SH3RF1: variants seen among roughly 807,000 people sequenced by gnomAD.
SH3RF1 encodes SH3 domain containing ring finger 1.
SH3RF1 carries 32 observed loss-of-function variants against 74.0 expected under a neutral mutation model. The ratio of observed to expected loss-of-function variants is 0.43; its 90% CI spans 0.33 to 0.58. SH3RF1 has a LOEUF of 0.58. SH3RF1 is among the 20% of genes least tolerant of loss of function. The pLI, the probability that SH3RF1 is intolerant of heterozygous loss-of-function variation, is 0.05. For missense variants in SH3RF1, 954 were observed against 1,130.9 expected (o/e 0.84, Z 2.24); for synonymous variants, 396 against 439.6 (o/e 0.90, Z 1.24).
At chr4:169,239,210 T>A (rs1219583319) in intron 2 of SH3RF1, among the ~76,000 whole-genome samples, 1 of 152,214 alleles carries the variant, frequency 6.6e-6, no homozygotes, top group East Asian at 1.9e-4. Flanking sequence ...GCCAAGATTG[T>A]GCCGACAAGA....
At chr4:169,125,683 T>C (rs769412643) in intron 6 of SH3RF1, among the ~76,000 whole-genome samples, 7 of 152,220 alleles carry the variant, frequency 4.6e-5, no homozygotes, top group Non-Finnish European at 1.0e-4. Flanking sequence ...TCTGGGTCCC[T>C]TGGGCAAATA....
intron 2 of SH3RF1, among the ~76,000 whole-genome samples, chr4:169,236,488 T>A (rs1730825837): frequency 6.6e-6 from 1 of 152,234 alleles, no homozygotes; most frequent in Non-Finnish European, 1.5e-5. Flanking sequence ...ATTCCATAAT[T>A]TAGACTAAGT....
At chr4:169,230,741 C>T in intron 2 of SH3RF1, among the ~76,000 whole-genome samples, 1 of 151,752 alleles carries the variant, frequency 6.6e-6, no homozygotes, top group East Asian at 1.9e-4. Flanking sequence ...CACCTGTAGT[C>T]CCAGCTACTC....
chr4:169,201,643 CCAGT>C (rs768179906), intron 2 of SH3RF1, among the ~76,000 whole-genome samples: 3 of 152,244 alleles, frequency 2.0e-5, no homozygotes, highest in East Asian at 3.9e-4. Context: ...AGCTTATTTC[CCAGT>C]CAAAGTTATA....
At position 169,172,934 on chromosome 4, in the gene SH3RF1, C is replaced by G. The variant is rs1003836791; in HGVS notation, c.394-16255G>C. Among the ~76,000 whole-genome samples the G allele has an allele frequency of 2.6e-5, 4 of 152,270 alleles. No homozygotes were observed. The East Asian group carries it at 7.7e-4, about 29-fold the overall frequency. On this transcript the variant is annotated intron_variant, in intron 2 of 11. Transcript: ENST00000284637. ...ACACTCTTGCTCTCTATTTTAGAAT[C>G]TTCTTTGAGGTTATGTATTTTCTAT...
At chr4:169,235,001 T>C (rs1207056448) in intron 2 of SH3RF1, among the ~76,000 whole-genome samples, 2 of 152,176 alleles carry the variant, frequency 1.3e-5, no homozygotes, top group Non-Finnish European at 2.9e-5. Context: ...CATACCCCCA[T>C]TGAGAATCAC....
At chr4:169,164,053 A>G (rs1033259022) in intron 2 of SH3RF1, among the ~76,000 whole-genome samples, 2 of 152,206 alleles carry the variant, frequency 1.3e-5, no homozygotes, top group Admixed American at 6.5e-5. Flanking sequence ...AGCTTCTCCC[A>G]ACCTTCCTCT....
chr4:169,117,511 G>T lies in SH3RF1; in HGVS notation c.1777+12C>A, dbSNP rs1186153171. 6.2e-7 allele frequency: 1 copy of T among 1,612,944 alleles called. No homozygotes were observed. Among genetic ancestry groups the T allele is most frequent in the Non-Finnish European group, 8.5e-7 (1 of 1,178,924 alleles). On this transcript the variant is annotated intron_variant, in intron 9 of 11. Coordinates refer to ENST00000284637, the MANE Select transcript of SH3RF1 (RefSeq NM_020870.4). The stretch of plus-strand genomic sequence containing the variant: ...TTTATCCTGATATGTTCTGGCCTGG[G>T]TTCCTCCTTACCTGTCCTCACAGCA...
At chr4:169,265,326 TA>T (rs1399092252) in intron 2 of SH3RF1, among the ~76,000 whole-genome samples, 2 of 152,208 alleles carry the variant, frequency 1.3e-5, no homozygotes, top group African/African-American at 4.8e-5. Context: ...TAAATTAGTA[TA>T]AATCAGGGGG....
intron 2 of SH3RF1, among the ~76,000 whole-genome samples, chr4:169,170,135 A>C (rs1734302151): frequency 6.6e-6 from 1 of 152,218 alleles, no homozygotes; most frequent in African/African-American, 2.4e-5. Flanking sequence ...AGAGCAACTT[A>C]AAGGGAAATG....
chr4:169,136,746 G>A (rs1019279297), intron 4 of SH3RF1, 126 bp from the exon 5 acceptor site: 11 of 919,084 alleles, frequency 1.2e-5, no homozygotes, highest in Non-Finnish European at 1.7e-5. Context: ...CCTATGCAGT[G>A]TCTGTTTTTC....
intron 2 of SH3RF1, among the ~76,000 whole-genome samples, chr4:169,210,651 C>T (rs1367474813): frequency 1.3e-5 from 2 of 152,206 alleles, no homozygotes; most frequent in African/African-American, 4.8e-5. Context: ...AAAAGTGTCT[C>T]CATGCATAGT....
At chr4:169,096,805 A>T in intron 11 of SH3RF1, 118 bp from the exon 12 acceptor site, 1 of 974,800 alleles carries the variant, frequency 1.0e-6, no homozygotes, top group East Asian at 2.6e-5. Context: ...TTCATTTATG[A>T]TTGTAAAACA....
intron 2 of SH3RF1, among the ~76,000 whole-genome samples, chr4:169,191,500 C>T (rs1734708807): frequency 1.3e-5 from 2 of 152,030 alleles, no homozygotes; most frequent in Admixed American, 6.6e-5. Flanking sequence ...ATGCAATCCC[C>T]ATCAAAATAC....
At chr4:169,124,718 G>T (rs962013353) in intron 6 of SH3RF1, among the ~76,000 whole-genome samples, 11 of 152,178 alleles carry the variant, frequency 7.2e-5, no homozygotes, top group African/African-American at 2.2e-4. Flanking sequence ...GAAATGATAG[G>T]GTTCTGGTGA....
intron 4 of SH3RF1, among the ~76,000 whole-genome samples, chr4:169,147,263 C>A (rs1449814732): frequency 6.6e-6 from 1 of 152,114 alleles, no homozygotes; most frequent in Non-Finnish European, 1.5e-5. Context: ...TTTTCTACAA[C>A]CTGATTACCA....
intron 4 of SH3RF1, among the ~76,000 whole-genome samples, chr4:169,142,057 A>T (rs898946311): frequency 2.0e-4 from 31 of 152,136 alleles, no homozygotes; most frequent in Non-Finnish European, 3.1e-4. Flanking sequence ...TGAGCTTGTG[A>T]TCCACCTGCC....
chr4:169,145,239 A>G (rs1019429766), intron 4 of SH3RF1, among the ~76,000 whole-genome samples: 1 of 152,202 alleles, frequency 6.6e-6, no homozygotes, highest in African/African-American at 2.4e-5. Context: ...GCAACAAAGG[A>G]TATTATGCAG....
At chr4:169,157,489 A>T (rs925124160) in intron 2 of SH3RF1, among the ~76,000 whole-genome samples, 4 of 152,232 alleles carry the variant, frequency 2.6e-5, no homozygotes, top group African/African-American at 9.6e-5. Context: ...CATAAACCCC[A>T]GTGCAATTTA....
Sources: allele counts gnomAD v4.1 joint callset (sites outside exome capture counted in the v4.1 genomes callset), GRCh38; gene constraint gnomAD v4.1.1; transcripts MANE v1.5; gene names NCBI Gene and HGNC (gene_info 2026-07-23, HGNC 2026-07-21).